Variants in HECW1 observed in about 807,000 individuals in gnomAD.
HECW1 encodes the protein E3 ubiquitin-protein ligase HECW1.
Under a neutral mutation model 182.3 loss-of-function variants are expected in HECW1, and 61 were observed. That is an observed-to-expected ratio of 0.33 (90% CI 0.27 to 0.41). The LOEUF is 0.41. Ranked by LOEUF, HECW1 falls within the 10% of genes least tolerant of loss-of-function variation. HECW1 has a pLI of 1.00. For synonymous variants in HECW1, 859 were observed against 832.6 expected (o/e 1.03, Z -0.55); for missense variants, 1,739 against 2,108.9 (o/e 0.82, Z 3.44).
chr7:43,234,088 G>C (rs1382033868), intron 2 of HECW1, among the ~76,000 whole-genome samples: 2 of 152,180 alleles, frequency 1.3e-5, no homozygotes, highest in Non-Finnish European at 2.9e-5. Flanking sequence ...CAAGCAAAAG[G>C]TTATCCACAG....
chr7:43,119,770 A>G (rs1253409471), intron 2 of HECW1, among the ~76,000 whole-genome samples: 1 of 152,124 alleles, frequency 6.6e-6, no homozygotes, highest in African/African-American at 2.4e-5. Flanking sequence ...GTTCAGGTCA[A>G]ATACCTGTGA....
chr7:43,327,173 A>G (rs1467242945), intron 5 of HECW1, among the ~76,000 whole-genome samples: 3 of 148,244 alleles, frequency 2.0e-5, no homozygotes, highest in African/African-American at 7.7e-5. Context: ...TTAAGTCTAC[A>G]TGAGGAGACT....
At chr7:43,322,286 C>T (rs1810229046) in intron 5 of HECW1, among the ~76,000 whole-genome samples, 1 of 152,192 alleles carries the variant, frequency 6.6e-6, no homozygotes, top group Admixed American at 6.5e-5. Flanking sequence ...TCTCGAACTC[C>T]TGACCTCAGG....
chr7:43,501,397 A>G, intron 21 of HECW1, 75 bp downstream of exon 21: 1 of 821,358 alleles, frequency 1.2e-6, no homozygotes, highest in Non-Finnish European at 2.1e-6. Flanking sequence ...AATGAAAGGC[A>G]ACTGTATGTG....
intron 3 of HECW1, among the ~76,000 whole-genome samples, chr7:43,293,137 T>C (rs1049917475): frequency 6.8e-6 from 1 of 148,002 alleles, no homozygotes; most frequent in African/African-American, 2.6e-5. Context: ...GAAGAATCGC[T>C]TGAACCCGGG....
chr7:43,164,942 C>A (rs144562127), intron 2 of HECW1, among the ~76,000 whole-genome samples: 1 of 152,302 alleles, frequency 6.6e-6, no homozygotes, highest in African/African-American at 2.4e-5. Flanking sequence ...TGGCTGAAAG[C>A]AGAAGGATGA....
Position 43,114,369 on chromosome 7 carries a change from T to C in HECW1, c.-54T>C. The C allele has an allele frequency of 7.4e-7, 1 of 1,353,572 alleles. No homozygotes were observed. The highest frequency in any genetic ancestry group is 9.7e-7 in the Non-Finnish European group (1 of 1,028,032). 83.8% of individuals were successfully genotyped at this position (1,353,572 alleles called of 1,614,324 possible). A position where few individuals can be genotyped will look rare whatever the true frequency, so the allele number is the denominator to read the frequency against. ...AGATCTGCGTTTCTCATCAGCAGAC[T>C]CACTCCGGCTGTGGCTATTACGGTA... On this transcript the variant is annotated 5_prime_UTR_variant, in exon 2 of 30. Transcript: ENST00000395891.
intron 9 of HECW1, among the ~76,000 whole-genome samples, chr7:43,441,965 C>G (rs568677473): frequency 1.1e-4 from 17 of 152,312 alleles, no homozygotes; most frequent in Admixed American, 5.2e-4. Context: ...ACAATGAATT[C>G]AGCAGAAACC....
chr7:43,270,768 A>G (rs112178933), intron 3 of HECW1, among the ~76,000 whole-genome samples: 20 of 152,252 alleles, frequency 1.3e-4, no homozygotes, highest in African/African-American at 3.1e-4. Flanking sequence ...AATTAAAAAG[A>G]GTTAAATAAT....
chr7:43,200,300 C>T (rs903704314), intron 2 of HECW1, among the ~76,000 whole-genome samples: 3 of 152,052 alleles, frequency 2.0e-5, no homozygotes, highest in Non-Finnish European at 2.9e-5. Context: ...AAATATTGTC[C>T]GTTAGTACAC....
At position 43,563,035 on chromosome 7, in the gene HECW1, T is replaced by C. The variant is rs577454163; in HGVS notation, c.*1109T>C. The C allele has an allele frequency of 1.5e-5, 3 of 201,966 alleles. No individual in the cohort carries two copies. The highest frequency in any genetic ancestry group is 6.9e-5 in the African/African-American group (3 of 43,656). The allele number at this position is 201,966 out of a possible 1,614,324, so 12.5% of individuals were successfully genotyped here. ...TTTTTTCCTTTTCCTTTCTTAATCATGGAGTTCAAGTTCCTTTGCATTCGA... is the reference window on the plus strand; with the variant it reads ...TTTTTTCCTTTTCCTTTCTTAATCACGGAGTTCAAGTTCCTTTGCATTCGA... On this transcript the variant is annotated 3_prime_UTR_variant, in exon 30 of 30. Transcript: ENST00000395891.
At chr7:43,509,258 T>A in intron 24 of HECW1, 137 bp downstream of exon 24, 1 of 756,320 alleles carries the variant, frequency 1.3e-6, no homozygotes, top group Non-Finnish European at 2.1e-6. Flanking sequence ...AATGACAGAG[T>A]CCAAGAAGGA....
At chr7:43,552,752 A>G (rs138532111) in intron 28 of HECW1, among the ~76,000 whole-genome samples, 1 of 152,266 alleles carries the variant, frequency 6.6e-6, no homozygotes, top group African/African-American at 2.4e-5. Context: ...TCAGTATTTT[A>G]TTCCTTTTTA....
intron 2 of HECW1, among the ~76,000 whole-genome samples, chr7:43,125,173 G>T (rs142929354): frequency 3.3e-3 from 496 of 152,170 alleles, no homozygotes; most frequent in Non-Finnish European, 5.5e-3. Flanking sequence ...ATTCATGAGG[G>T]CTCCAGCCTC....
chr7:43,369,286 C>A (rs1817017976), intron 6 of HECW1, among the ~76,000 whole-genome samples: 1 of 152,112 alleles, frequency 6.6e-6, no homozygotes, highest in Non-Finnish European at 1.5e-5. Context: ...AGGAGAAACT[C>A]CATCTCTACT....
intron 5 of HECW1, among the ~76,000 whole-genome samples, chr7:43,346,506 A>T (rs554206314): frequency 7.8e-4 from 119 of 152,052 alleles, no homozygotes; most frequent in Non-Finnish European, 1.3e-3. Flanking sequence ...ATTAGGTCCT[A>T]GGTATTTATC....
chr7:43,161,290 TG>T, intron 2 of HECW1, among the ~76,000 whole-genome samples: 1 of 152,350 alleles, frequency 6.6e-6, no homozygotes. Context: ...TTCATTATGT[TG>T]GTTAATGGTA....
chr7:43,437,735 G>A (rs968347490), intron 8 of HECW1, among the ~76,000 whole-genome samples: 1 of 152,170 alleles, frequency 6.6e-6, no homozygotes, highest in African/African-American at 2.4e-5. Context: ...AGTATGATGA[G>A]GCTTTGGTGG....
chr7:43,368,707 C>A (rs764273845), intron 6 of HECW1, among the ~76,000 whole-genome samples: 1 of 152,148 alleles, frequency 6.6e-6, no homozygotes, highest in African/African-American at 2.4e-5. Flanking sequence ...CTCACACTAA[C>A]GAGGCATTCT....
Sources: gnomAD v4.1 joint callset for allele counts (sites outside exome capture counted in the v4.1 genomes callset) on GRCh38, gnomAD v4.1.1 for gene constraint, MANE v1.5 for transcripts, NCBI Gene and HGNC (gene_info 2026-07-23, HGNC 2026-07-21) for gene names.